DTNBP1: variants seen among roughly 807,000 people sequenced by gnomAD.
DTNBP1 encodes the protein dysbindin.
A neutral mutation model predicts 42.8 loss-of-function variants in DTNBP1; 35 were observed. That is an observed-to-expected ratio of 0.82 (90% CI 0.63 to 1.09). The LOEUF is 1.09. Ranked by LOEUF, DTNBP1 falls within the 50% of genes least tolerant of loss-of-function variation. The pLI, the probability that DTNBP1 is intolerant of heterozygous loss-of-function variation, is 0.00. For synonymous variants in DTNBP1, 171 were observed against 162.2 expected, an observed-to-expected ratio of 1.05 and a Z score of -0.41; for missense variants, 457 against 424.2, an observed-to-expected ratio of 1.08 and a Z score of -0.68.
chr6:15,630,083 G>T (rs1445728792), intron 4 of DTNBP1, among the ~76,000 whole-genome samples: 1 of 152,104 alleles, frequency 6.6e-6, no homozygotes. Flanking sequence ...AACCCATAGT[G>T]CTTTATTCCA....
chr6:15,542,775 T>G (rs777554755), intron 7 of DTNBP1, among the ~76,000 whole-genome samples: 4 of 152,122 alleles, frequency 2.6e-5, no homozygotes, highest in Non-Finnish European at 5.9e-5. Flanking sequence ...CACTGCAACC[T>G]CCACCTCCTG....
chr6:15,595,049 T>C (rs1053116990), intron 6 of DTNBP1: 1 of 451,706 alleles, frequency 2.2e-6, no homozygotes, highest in Admixed American at 2.4e-5. Context: ...TGTCTGCTGC[T>C]GTGAAGAGGA....
rs559062092 is a variant in DTNBP1, at chr6:15,552,868, T to C, written c.512-19473A>G. Among the ~76,000 whole-genome samples the C allele has an allele frequency of 1.5e-4, 23 of 152,286 alleles. No individual in the cohort carries two copies. In the South Asian group the frequency reaches 3.7e-3, roughly 25 times the overall value. On this transcript the variant is annotated intron_variant, in intron 7 of 9. Transcript: ENST00000344537. ...ATTTTCATGGAATACTTTCAGGTCT[T>C]CTATGTTCTAAGCACAAAGTAGAAA...
intron 8 of DTNBP1, among the ~76,000 whole-genome samples, chr6:15,528,295 C>A (rs1379831657): frequency 6.6e-6 from 1 of 152,214 alleles, no homozygotes; most frequent in Non-Finnish European, 1.5e-5. Context: ...TGTGCCAGAT[C>A]GTTCTTGGTT....
At chr6:15,560,914 C>T (rs1381727954) in intron 7 of DTNBP1, among the ~76,000 whole-genome samples, 1 of 152,216 alleles carries the variant, frequency 6.6e-6, no homozygotes, top group Non-Finnish European at 1.5e-5. Flanking sequence ...AGAGCCTATA[C>T]AGCAAAAATT....
At chr6:15,657,006 G>A (rs1434947000) in intron 1 of DTNBP1, among the ~76,000 whole-genome samples, 1 of 152,122 alleles carries the variant, frequency 6.6e-6, no homozygotes, top group Non-Finnish European at 1.5e-5. Context: ...TCACATCAGT[G>A]TTCATCATTT....
chr6:15,630,241 C>T (rs2113748134), intron 4 of DTNBP1, among the ~76,000 whole-genome samples: 1 of 152,290 alleles, frequency 6.6e-6, no homozygotes. Flanking sequence ...GATTTCCACA[C>T]AAGTTTGATA....
At chr6:15,613,335 C>G (rs145086187) in intron 6 of DTNBP1, among the ~76,000 whole-genome samples, 1 of 102,812 alleles carries the variant, frequency 9.7e-6, no homozygotes, top group Non-Finnish European at 1.8e-5. Flanking sequence ...AAAAAAAATG[C>G]CCCTTTTTTG....
chr6:15,532,134 G>A (rs1264018992), intron 8 of DTNBP1, among the ~76,000 whole-genome samples: 4 of 152,204 alleles, frequency 2.6e-5, no homozygotes, highest in Admixed American at 6.5e-5. Context: ...GAGAATGGGA[G>A]GGCAGGAAAA....
chr6:15,576,949 G>A (rs556369721), intron 7 of DTNBP1, among the ~76,000 whole-genome samples: 4 of 152,234 alleles, frequency 2.6e-5, no homozygotes, highest in African/African-American at 9.6e-5. Flanking sequence ...AACAGATAGA[G>A]CAGAGAAAAG....
chr6:15,555,174 C>T (rs942213788), intron 7 of DTNBP1, among the ~76,000 whole-genome samples: 8 of 148,898 alleles, frequency 5.4e-5, no homozygotes, highest in African/African-American at 7.5e-5. Flanking sequence ...ATTTCTCACT[C>T]CCCTACATAA....
At chr6:15,661,565 G>A (rs948923419) in intron 1 of DTNBP1, among the ~76,000 whole-genome samples, 2 of 149,724 alleles carry the variant, frequency 1.3e-5, no homozygotes, top group Non-Finnish European at 3.0e-5. Flanking sequence ...AGAATCGCTT[G>A]AATCCGGGAG....
chr6:15,628,208 GC>G (rs1357788042), intron 4 of DTNBP1, among the ~76,000 whole-genome samples: 2 of 152,198 alleles, frequency 1.3e-5, no homozygotes, highest in Admixed American at 1.3e-4. Flanking sequence ...AGGGACAAGG[GC>G]CTAGAAAGAC....
intron 6 of DTNBP1, among the ~76,000 whole-genome samples, chr6:15,608,457 C>T (rs761639964): frequency 6.6e-6 from 1 of 152,190 alleles, no homozygotes; most frequent in Non-Finnish European, 1.5e-5. Context: ...TTAGAATTCT[C>T]CAGAAGGCCT....
intron 7 of DTNBP1, among the ~76,000 whole-genome samples, chr6:15,562,241 T>C (rs569664215): frequency 2.4e-4 from 37 of 152,346 alleles, no homozygotes; most frequent in African/African-American, 8.4e-4. Context: ...TTGCACAAGA[T>C]CCAAGTACCC....
chr6:15,607,074 G>A (rs1758105213), intron 6 of DTNBP1, among the ~76,000 whole-genome samples: 1 of 148,164 alleles, frequency 6.7e-6, no homozygotes, highest in Admixed American at 6.8e-5. Context: ...GCAGTGGTGT[G>A]AGCTCAGCTC....
At position 15,524,512 on chromosome 6, in the gene DTNBP1, T is replaced by C; in HGVS notation, c.811+14A>G. 6.2e-7 allele frequency: 1 copy of C among 1,608,394 alleles called. No homozygotes were observed. The highest frequency in any genetic ancestry group is 8.5e-7 in the Non-Finnish European group (1 of 1,175,992). ...ACTGCCCTGGTTCAGCTAATGCAAG[T>C]TTGTCAACCCTACCTAAGGCGGGGG... is the stretch of plus-strand genomic sequence containing the variant. On this transcript the variant is annotated intron_variant, in intron 9 of 9. Coordinates refer to ENST00000344537, the MANE Select transcript of DTNBP1 (RefSeq NM_032122.5).
intron 6 of DTNBP1, among the ~76,000 whole-genome samples, chr6:15,595,811 G>C (rs191136460): frequency 3.9e-5 from 6 of 152,206 alleles, no homozygotes; most frequent in Admixed American, 3.9e-4. Flanking sequence ...CAATACTTCA[G>C]CAAGTACTTG....
chr6:15,524,461 C>T, intron 9 of DTNBP1, 65 bp downstream of exon 9: 2 of 1,613,976 alleles, frequency 1.2e-6, no homozygotes, highest in South Asian at 2.2e-5. Flanking sequence ...TCTCACGTCT[C>T]ACCTTTGGAG....
Sources: allele counts gnomAD v4.1 joint callset (sites outside exome capture counted in the v4.1 genomes callset), GRCh38; gene constraint gnomAD v4.1.1; transcripts MANE v1.5; gene names NCBI Gene and HGNC (gene_info 2026-07-23, HGNC 2026-07-21).